The following HYOU1 variants were observed in gnomAD, a reference collection of about 807,000 sequenced individuals.
The protein encoded by HYOU1 is hypoxia up-regulated 1.
Under a neutral mutation model 120.5 loss-of-function variants are expected in HYOU1, and 40 were observed. The observed-to-expected ratio is 0.33, with a 90% CI of 0.26 to 0.43. HYOU1 has a LOEUF of 0.43. Among genes scored for constraint, HYOU1 ranks in the 20% least tolerant of loss-of-function variants. The pLI, the probability that HYOU1 is intolerant of heterozygous loss-of-function variation, is 1.00. For missense variants in HYOU1, 1,085 were observed against 1,278.3 expected (o/e 0.85, Z 2.31); for synonymous variants, 501 against 479.4 (o/e 1.05, Z -0.59).
intron 16 of HYOU1, 165 bp from the exon 17 acceptor site, chr11:119,049,368 C>A: frequency 6.4e-7 from 1 of 1,555,824 alleles, no homozygotes; most frequent in Non-Finnish European, 8.6e-7. Context: ...AAAGGAAGAG[C>A]ATCTGCAATG....
chr11:119,045,997 C>G (rs2133546645), intron 24 of HYOU1, among the ~76,000 whole-genome samples, 166 bp from the exon 25 acceptor site: 3 of 152,310 alleles, frequency 2.0e-5, no homozygotes, highest in East Asian at 3.9e-4. Context: ...CTCTGTTGCC[C>G]AGGCTGGAGT....
At position 119,051,376 on chromosome 11, in the gene HYOU1, G is replaced by A; in HGVS notation, c.1526+62C>T. Reference sequence around the variant, plus strand: ...CATCCTCCCTCACCCCCAGTCCTCAGATTATCCAGCAGCCACGCCTCCCCC... The same window carrying A: ...CATCCTCCCTCACCCCCAGTCCTCAAATTATCCAGCAGCCACGCCTCCCCC... On this transcript the variant is annotated intron_variant, in intron 13 of 25. Transcript: ENST00000617285. The surrounding 1 kb of genome is among the most constrained non-coding windows in gnomAD (Gnocchi z 4.2). 7.0e-6 allele frequency: 11 copies of A among 1,569,714 alleles called. No homozygotes were observed. Among genetic ancestry groups the A allele is most frequent in the Non-Finnish European group, 9.6e-6 (11 of 1,146,420 alleles).
intron 14 of HYOU1, among the ~76,000 whole-genome samples, chr11:119,050,089 TCCATATTA>T (rs1415120387): frequency 1.3e-5 from 2 of 152,148 alleles, no homozygotes; most frequent in Non-Finnish European, 2.9e-5. Context: ...GGCTATTACA[TCCATATTA>T]CCCCCAGATT....
rs2133603671 is a variant in HYOU1 at position 119,054,249 on chromosome 11, C to G, written c.679-13G>C. 1.3e-6 allele frequency: 2 copies of G among 1,596,724 alleles called. No homozygotes were observed. The highest frequency in any genetic ancestry group is 1.7e-4 in the Middle Eastern group (1 of 6,010). On this transcript the variant is annotated splice_polypyrimidine_tract_variant and intron_variant, in intron 7 of 25. Transcript: ENST00000617285. Reference sequence around the variant, plus strand: ...AGAACATGATATTCTGTAGAGATATCAAGGCAACTGTCACAGGAACCTTCT... The same window carrying G: ...AGAACATGATATTCTGTAGAGATATGAAGGCAACTGTCACAGGAACCTTCT...
In HYOU1 at chr11:119,047,962, G is replaced by C; in HGVS notation, c.2495C>G (p.Ser832Cys). The C allele has an allele frequency of 6.2e-7, 1 of 1,614,198 alleles. No homozygotes were observed. Among genetic ancestry groups the C allele is most frequent in the Admixed American group, 1.7e-5 (1 of 60,030 alleles). The change falls in exon 21 of 26, where the codon TCC becomes TGC. Residue 832 changes from serine (S) to cysteine (C), a missense_variant. Around this residue, in one of 4 missense-constraint regions of HYOU1, gnomAD observed 516 missense variants for 517.1 expected, o/e 1.00. Transcript: ENST00000617285. ...GGCTGCTCACTTGAGGAACATGCTG[G>C]AATGGTTGAGGAGATTATCGAGGGC... is the stretch of plus-strand genomic sequence containing the variant. ...LSALDNLLNH[S>C]SMFLKGARLI... is the part of the protein sequence containing the mutation.
In HYOU1 at chr11:119,052,521, G is replaced by A. The variant is rs1320636682; in HGVS notation, c.988-92C>T. 6.3e-7 allele frequency: 1 copy of A among 1,588,088 alleles called. No homozygotes were observed. Among genetic ancestry groups the A allele is most frequent in the South Asian group, 1.1e-5 (1 of 87,440 alleles). On this transcript the variant is annotated intron_variant, in intron 9 of 25. Coordinates refer to ENST00000617285, the MANE Select transcript of HYOU1 (RefSeq NM_006389.5). The surrounding 1 kb of genome is among the most constrained non-coding windows in gnomAD (Gnocchi z 5.0). The stretch of plus-strand genomic sequence containing the variant: ...AAACAAAAAGAATAGGTCTTTGGGA[G>A]GATGGTAGCGGGAGGAGCATGGGCC...
Position 119,056,054 on chromosome 11 carries a change from C to T in HYOU1, c.91+16G>A. 2 of 1,607,938 alleles carry T rather than the reference C, an allele frequency of 1.2e-6. 1 individual carries two copies. Among genetic ancestry groups the T allele is most frequent in the South Asian group, 2.2e-5 (2 of 90,944 alleles). ...GTCATCATTTATCCATTTGCTCCCT[C>T]TACTGGGGTACATACCACTCAGTGC... is the stretch of plus-strand genomic sequence containing the variant. On this transcript the variant is annotated intron_variant, in intron 2 of 25. Coordinates refer to ENST00000617285, the MANE Select transcript of HYOU1 (RefSeq NM_006389.5).
chr11:119,049,621 T>G lies in HYOU1; in HGVS notation c.1741A>C (p.Ile581Leu). 1 of 1,614,114 alleles carries G rather than the reference T, an allele frequency of 6.2e-7. No homozygotes were observed. Among genetic ancestry groups the G allele is most frequent in the African/African-American group, 1.3e-5 (1 of 75,012 alleles). The stretch of plus-strand genomic sequence containing the variant: ...GTACCGCCTCCAAACAGGCTGGAAA[T>G]GGTGTTGCCAAGTTCTAGGGGGAGT... ...ESTLTKLGNTISSLFGGGTTP... is the reference protein window; with the variant it reads ...ESTLTKLGNTLSSLFGGGTTP... Residue 581 changes from isoleucine to leucine, a missense_variant, in exon 16 of 26, where the codon ATT becomes CTT. By Grantham distance (5) the Ile-to-Leu change is conservative. This residue lies in a region of HYOU1 where 515 missense variants were observed against 677.8 expected (regional missense o/e 0.76). Transcript: ENST00000617285.
chr11:119,055,072 G>T lies in HYOU1; in HGVS notation c.420-12C>A. ...AGAACTGCAGCTGCCTGAGGGGAAGGAAGGTAGTTGGAGCCAAGGAAAGCC... is the reference window on the plus strand; with the variant it reads ...AGAACTGCAGCTGCCTGAGGGGAAGTAAGGTAGTTGGAGCCAAGGAAAGCC... On this transcript the variant is annotated splice_polypyrimidine_tract_variant and intron_variant, in intron 5 of 25. Transcript: ENST00000617285. This position sits in a 1 kb window ranked among gnomAD's most constrained non-coding sequence, Gnocchi z 4.0. 1 of 1,614,066 alleles carries T rather than the reference G, an allele frequency of 6.2e-7. No individual in the cohort carries two copies.
rs2133565976 is a variant in HYOU1 at position 119,048,627 on chromosome 11, C to T, written c.2166-64G>A. ...AAGTGAGAACTTGAGACTCTGGGTC[C>T]GACAGCCCTCCCTCCCAGGGCGCCA... On this transcript the variant is annotated intron_variant, in intron 18 of 25. Coordinates refer to ENST00000617285, the MANE Select transcript of HYOU1 (RefSeq NM_006389.5). The surrounding 1 kb of genome is among the most constrained non-coding windows in gnomAD (Gnocchi z 4.7). The T allele has an allele frequency of 2.0e-5, 32 of 1,607,980 alleles. No homozygotes were observed. Among genetic ancestry groups the T allele is most frequent in the Admixed American group, 8.4e-5 (5 of 59,764 alleles).
At position 119,051,258 on chromosome 11, in the gene HYOU1, G is replaced by T; in HGVS notation, c.1527-85C>A. 1 of 1,571,626 alleles carries T rather than the reference G, an allele frequency of 6.4e-7. No individual in the cohort carries two copies. Among genetic ancestry groups the T allele is most frequent in the Non-Finnish European group, 8.7e-7 (1 of 1,150,754 alleles). The stretch of plus-strand genomic sequence containing the variant: ...ACTACATGGCCTCCTGGCACAAGGT[G>T]TCAGGGGCACTCCCCAAGGGCACAC... On this transcript the variant is annotated intron_variant, in intron 13 of 25. Coordinates refer to ENST00000617285, the MANE Select transcript of HYOU1 (RefSeq NM_006389.5). This position sits in a 1 kb window ranked among gnomAD's most constrained non-coding sequence, Gnocchi z 4.2.
rs2133575123 is a variant in HYOU1 at position 119,049,734 on chromosome 11, AC to A, written c.1726+42del. 13 of 1,609,868 alleles carry A rather than the reference AC, an allele frequency of 8.1e-6. No homozygotes were observed. In the East Asian group the frequency reaches 2.9e-4, roughly 36 times the overall value. ...CCCTGTCCACCTCCCCAACCTTCAC[AC>A]AAGTATATTCTCTCCCATACACACA... On this transcript the variant is annotated intron_variant, in intron 15 of 25. Transcript: ENST00000617285.
chr11:119,055,312 G>T lies in HYOU1; in HGVS notation c.292C>A (p.Arg98Ser), dbSNP rs142005296. The T allele has an allele frequency of 2.5e-6, 4 of 1,613,908 alleles. No individual in the cohort carries two copies. The highest frequency in any genetic ancestry group is 3.4e-6 in the Non-Finnish European group (4 of 1,179,866). ...MAIKNPKATL[R>S]YFQHLLGKQA... ...TTCCCCAGGAGGTGCTGGAAGTAAC[G>T]TAGCGTAGCCTTTGGATTCTTAATC... The change falls in exon 5 of 26, where the codon CGT becomes AGT. Residue 98 changes from arginine to serine, a missense_variant. Transcript: ENST00000617285. This position sits in a 1 kb window ranked among gnomAD's most constrained non-coding sequence, Gnocchi z 4.0.
chr11:119,048,569 G>A lies in HYOU1; in HGVS notation c.2166-6C>T. The A allele has an allele frequency of 6.2e-7, 1 of 1,613,768 alleles. No homozygotes were observed. Among genetic ancestry groups the A allele is most frequent in the Non-Finnish European group, 8.5e-7 (1 of 1,179,870 alleles). On this transcript the variant is annotated splice_region_variant and splice_polypyrimidine_tract_variant and intron_variant, in intron 18 of 25. Coordinates refer to ENST00000617285, the MANE Select transcript of HYOU1 (RefSeq NM_006389.5). This position sits in a 1 kb window ranked among gnomAD's most constrained non-coding sequence, Gnocchi z 4.7. ...GGAGTGTCAAGTCCTGAAGTCTATG[G>A]GACAAAGGAGGGGTAGGGATGAGGG...
At chr11:119,047,647 G>A in intron 22 of HYOU1, 87 bp downstream of exon 22, 2 of 1,089,674 alleles carry the variant, frequency 1.8e-6, no homozygotes, top group South Asian at 2.6e-5. Flanking sequence ...CAGGAGGCAG[G>A]GGCTGCTGTG....
chr11:119,056,507 C>T, intron 1 of HYOU1: 1 of 400,050 alleles, frequency 2.5e-6, no homozygotes, highest in Non-Finnish European at 4.9e-6. Context: ...TGTTGTCAGA[C>T]ACCTGGGGTG....
Position 119,051,084 on chromosome 11 carries a change from A to G in HYOU1, c.1616T>C (p.Ile539Thr). Residue 539 changes from isoleucine (I) to threonine (T), a missense_variant, in exon 14 of 26, where the codon ATC becomes ACC. Coordinates refer to ENST00000617285, the MANE Select transcript of HYOU1 (RefSeq NM_006389.5). The surrounding 1 kb of genome is among the most constrained non-coding windows in gnomAD (Gnocchi z 4.2). ...KKYPDYESKG[I>T]KAHFNLDESG... is the part of the protein sequence containing the mutation. ...CTCATCCAGGTTGAAGTGAGCCTTG[A>G]TGCCCTTGGACTCGTAGTCAGGATA... 6.2e-7 allele frequency: 1 copy of G among 1,614,206 alleles called. No individual in the cohort carries two copies. The highest frequency in any genetic ancestry group is 8.5e-7 in the Non-Finnish European group (1 of 1,180,034).
In HYOU1 at chr11:119,055,605, CA is replaced by C; in HGVS notation, c.186-35del. On this transcript the variant is annotated intron_variant, in intron 3 of 25. Coordinates refer to ENST00000617285, the MANE Select transcript of HYOU1 (RefSeq NM_006389.5). The surrounding 1 kb of genome is among the most constrained non-coding windows in gnomAD (Gnocchi z 4.0). ...AAGAGATTTTGGGCCCAGGTGCCTG[CA>C]GCAGAAGGACTCAGAAGCCTCGACA... The C allele has an allele frequency of 5.0e-6, 8 of 1,588,332 alleles. No homozygotes were observed. The highest frequency in any genetic ancestry group is 6.9e-6 in the Non-Finnish European group (8 of 1,156,478).
rs2133569929 is a variant in HYOU1, at chr11:119,049,132, A to G, written c.1878T>C (p.Ala626=). The G allele has an allele frequency of 8.7e-6, 14 of 1,613,680 alleles. No homozygotes were observed. The highest frequency in any genetic ancestry group is 1.2e-5 in the Non-Finnish European group (14 of 1,179,816). Residue 626 remains alanine, a synonymous_variant, in exon 17 of 26, where the codon GCT becomes GCC. Coordinates refer to ENST00000617285, the MANE Select transcript of HYOU1 (RefSeq NM_006389.5). ...GAGAGCCATCCTCCACTGGGGCCTCAGCTTCCTCCTTGAGCTCCACCTGCT... is the reference window on the plus strand; with the variant it reads ...GAGAGCCATCCTCCACTGGGGCCTCGGCTTCCTCCTTGAGCTCCACCTGCT... ...PGEQVELKEE[A]EAPVEDGSQP... is the part of the protein sequence containing the mutation.
Sources: allele counts gnomAD v4.1 joint callset (sites outside exome capture counted in the v4.1 genomes callset), GRCh38; gene constraint gnomAD v4.1.1; regional missense constraint gnomAD v4.1.1; non-coding constraint Gnocchi (gnomAD v3.1); transcripts MANE v1.5; gene names NCBI Gene and HGNC (gene_info 2026-07-23, HGNC 2026-07-21).